Variants in KCNMB2 observed in about 807,000 individuals in gnomAD.
KCNMB2 encodes calcium-activated potassium channel subunit beta-2.
Under a neutral mutation model 24.5 loss-of-function variants are expected in KCNMB2, and 9 were observed. That is an observed-to-expected ratio of 0.37 (90% CI 0.22 to 0.64). The LOEUF (loss-of-function observed/expected upper bound fraction) is 0.64. KCNMB2 is among the 30% of genes least tolerant of loss of function. The pLI is 0.63. For synonymous variants in KCNMB2, 109 were observed against 104.4 expected, an observed-to-expected ratio of 1.04 and a Z score of -0.27; for missense variants, 226 against 284.3, an observed-to-expected ratio of 0.79 and a Z score of 1.47.
At chr3:178,751,843 CCT>C (rs1380149283) in intron 1 of KCNMB2, among the ~76,000 whole-genome samples, 1 of 152,238 alleles carries the variant, frequency 6.6e-6, no homozygotes, top group Admixed American at 6.5e-5. Flanking sequence ...TCAATGGCTA[CCT>C]TTTTTTGAGA....
At chr3:178,613,058 A>G (rs535688414) in intron 1 of KCNMB2, among the ~76,000 whole-genome samples, 1 of 152,320 alleles carries the variant, frequency 6.6e-6, no homozygotes, top group South Asian at 2.1e-4. Context: ...TTGTCCTTCC[A>G]CTTTTTAACA....
rs933722313 is a variant in KCNMB2 at position 178,807,372 on chromosome 3, C to A, written c.-38C>A. On this transcript the variant is annotated 5_prime_UTR_variant, in exon 2 of 5. Transcript: ENST00000452583. The stretch of plus-strand genomic sequence containing the variant: ...TTTTGCCATTCCTCCAGGACATCCA[C>A]CATAAGGAAAGGAGACCCTGGACCA... 2 of 1,585,900 alleles carry A rather than the reference C, an allele frequency of 1.3e-6. No individual in the cohort carries two copies. Among genetic ancestry groups the A allele is most frequent in the African/African-American group, 2.7e-5 (2 of 74,228 alleles).
chr3:178,623,397 G>A (rs1718991100), intron 1 of KCNMB2, among the ~76,000 whole-genome samples: 1 of 152,170 alleles, frequency 6.6e-6, no homozygotes, highest in Non-Finnish European at 1.5e-5. Context: ...CTGTTATAGT[G>A]TCTCTACCCA....
chr3:178,617,888 C>T (rs35147259), intron 1 of KCNMB2, among the ~76,000 whole-genome samples: 6 of 76,408 alleles, frequency 7.9e-5, no homozygotes, highest in South Asian at 4.9e-4. Flanking sequence ...AAGACTCTGT[C>T]TAAAAAAAAA....
intron 1 of KCNMB2, among the ~76,000 whole-genome samples, chr3:178,668,629 G>C (rs942118585): frequency 1.3e-5 from 2 of 152,092 alleles, no homozygotes; most frequent in Admixed American, 6.6e-5. Context: ...TTACGGATCT[G>C]TGCATCGATC....
At chr3:178,765,272 T>A (rs1243455765) in intron 1 of KCNMB2, among the ~76,000 whole-genome samples, 1 of 152,166 alleles carries the variant, frequency 6.6e-6, no homozygotes, top group African/African-American at 2.4e-5. Flanking sequence ...CACACACGTG[T>A]TATCAACCAC....
intron 1 of KCNMB2, among the ~76,000 whole-genome samples, chr3:178,805,731 G>C (rs1334029243): frequency 6.6e-6 from 1 of 152,004 alleles, no homozygotes; most frequent in Admixed American, 6.6e-5. Flanking sequence ...CCAGGCTAAA[G>C]CTATCCTCCC....
Position 178,752,631 on chromosome 3 carries a change from G to A in KCNMB2, c.-67-54712G>A, listed in dbSNP as rs73051658. On this transcript the variant is annotated intron_variant, in intron 1 of 4. Coordinates refer to ENST00000452583, the MANE Select transcript of KCNMB2 (RefSeq NM_181361.3). ...TGGAGGAAAAACTGGAGAAAATACA[G>A]ATCATACCCTGAGAGGCCAGTTAGA... is the stretch of plus-strand genomic sequence containing the variant. Among the ~76,000 whole-genome samples the A allele has an allele frequency of 2.9e-3, 434 of 152,274 alleles. 5 individuals are homozygous for A. The highest frequency in any genetic ancestry group is 9.8e-3 in the African/African-American group (407 of 41,556).
At position 178,842,929 on chromosome 3, in the gene KCNMB2, AATAG is replaced by A; in HGVS notation, c.704_707del (p.Arg235LysfsTer6). ...ACTATGTGAGAGGATCCAACGGATC[AATAG>A]ATAAATGCAAAAATGGATAAAATAA... On this transcript the variant is annotated frameshift_variant, in exon 5 of 5. Transcript: ENST00000452583. LOFTEE classifies it high-confidence loss of function. 6.3e-7 allele frequency: 1 copy of A among 1,598,082 alleles called. No homozygotes were observed. The highest frequency in any genetic ancestry group is 1.1e-5 in the South Asian group (1 of 89,454).
chr3:178,654,484 A>G (rs1283251276), intron 1 of KCNMB2, among the ~76,000 whole-genome samples: 1 of 152,214 alleles, frequency 6.6e-6, no homozygotes, highest in Non-Finnish European at 1.5e-5. Flanking sequence ...GCAAACCCAA[A>G]GAAATGAGGA....
At chr3:178,802,822 T>C (rs1713823025) in intron 1 of KCNMB2, among the ~76,000 whole-genome samples, 1 of 150,734 alleles carries the variant, frequency 6.6e-6, no homozygotes, top group Non-Finnish European at 1.5e-5. Context: ...CTTCAGATTT[T>C]ATCACCCTAT....
At chr3:178,822,568 T>C (rs982575847) in intron 2 of KCNMB2, among the ~76,000 whole-genome samples, 2 of 125,526 alleles carry the variant, frequency 1.6e-5, no homozygotes, top group African/African-American at 5.9e-5. Flanking sequence ...AAATCATGTA[T>C]TCATTTCTTT....
chr3:178,614,297 G>GTATATGTATATATATATATATA (rs1718620687), intron 1 of KCNMB2, among the ~76,000 whole-genome samples: 2 of 54,594 alleles, frequency 3.7e-5, no homozygotes, highest in Admixed American at 2.0e-4. Context: ...ATATATATAT[G>GTATATGTATATATATATATATA]TATGTATATA....
chr3:178,613,834 C>T (rs1045901451), intron 1 of KCNMB2, among the ~76,000 whole-genome samples: 12 of 152,046 alleles, frequency 7.9e-5, no homozygotes, highest in African/African-American at 2.9e-4. Context: ...GGTTCTATAA[C>T]CATCTTGTAC....
rs181079900 is a variant in KCNMB2, at chr3:178,608,984, C to T, written c.-68+72273C>T. On this transcript the variant is annotated intron_variant, in intron 1 of 4. Transcript: ENST00000452583. The stretch of plus-strand genomic sequence containing the variant: ...AACTATCTCTTCAATATACTGATTT[C>T]CTTTCTTTTGGGTACATGCCCAGCA... Among the ~76,000 whole-genome samples the T allele has an allele frequency of 9.9e-5, 15 of 152,262 alleles. No homozygotes were observed. The East Asian group carries it at 2.7e-3, about 27-fold the overall frequency.
intron 1 of KCNMB2, among the ~76,000 whole-genome samples, chr3:178,626,416 A>T (rs1436264862): frequency 6.6e-6 from 1 of 152,238 alleles, no homozygotes; most frequent in African/African-American, 2.4e-5. Context: ...GATCTTTATT[A>T]CAAAGTATTA....
chr3:178,599,268 T>A (rs1056045266), intron 1 of KCNMB2, among the ~76,000 whole-genome samples: 1 of 152,188 alleles, frequency 6.6e-6, no homozygotes, highest in Non-Finnish European at 1.5e-5. Context: ...TTAAAAAGAA[T>A]AATTGACAAA....
intron 2 of KCNMB2, among the ~76,000 whole-genome samples, chr3:178,811,020 G>A (rs763641786): frequency 6.6e-6 from 1 of 150,848 alleles, no homozygotes; most frequent in Non-Finnish European, 1.5e-5. Flanking sequence ...CCAAAGTGCT[G>A]GGATTACAGG....
intron 1 of KCNMB2, among the ~76,000 whole-genome samples, chr3:178,692,696 C>T (rs13062569): frequency 0.33 from 49,810 of 151,930 alleles, 8,878 homozygotes; most frequent in African/African-American, 0.47. Context: ...TGGCTTTATA[C>T]CTTTTGCTTA....
Sources: allele counts gnomAD v4.1 joint callset (sites outside exome capture counted in the v4.1 genomes callset), GRCh38; gene constraint gnomAD v4.1.1; transcripts MANE v1.5; gene names NCBI Gene and HGNC (gene_info 2026-07-23, HGNC 2026-07-21).